The following IL1RAPL2 variants were observed in gnomAD, a reference collection of about 807,000 sequenced individuals.
IL1RAPL2 encodes X-linked interleukin-1 receptor accessory protein-like 2.
IL1RAPL2 carries 3 observed loss-of-function variants against 44.1 expected under a neutral mutation model. The ratio of observed to expected loss-of-function variants is 0.07; its 90% confidence interval spans 0.03 to 0.18. The LOEUF (loss-of-function observed/expected upper bound fraction) is 0.18, where lower values mean the gene tolerates loss of function less well. Ranked by LOEUF, IL1RAPL2 falls within the 10% of genes least tolerant of loss-of-function variation. The pLI is 1.00. For missense variants in IL1RAPL2, 391 were observed against 496.4 expected (o/e 0.79, Z 2.02); for synonymous variants, 181 against 178.8 (o/e 1.01, Z -0.10).
chrX:105,317,713 G>A (rs1046638452), intron 5 of IL1RAPL2, among the ~76,000 whole-genome samples: 3 of 110,820 alleles, frequency 2.7e-5, no homozygotes, highest in African/African-American at 9.9e-5. Flanking sequence ...AAGACTCAAA[G>A]ACTCTCTGAA....
At position 105,067,562 on chromosome X, in the gene IL1RAPL2, G is replaced by C. The variant is rs147825185; in HGVS notation, c.83-127913G>C. ...TTCTCATACCAACCCTATGAGGTAGGTATTATCATCATCCCTATTTTGCAG... is the reference window on the plus strand; with the variant it reads ...TTCTCATACCAACCCTATGAGGTAGCTATTATCATCATCCCTATTTTGCAG... On this transcript the variant is annotated intron_variant, in intron 2 of 10. Transcript: ENST00000372582. 3.4e-3 allele frequency among the ~76,000 whole-genome samples: 384 copies of C among 111,375 alleles called. 1 individual carries two copies. The highest frequency in any genetic ancestry group is 6.2e-3 in the Non-Finnish European group (329 of 53,072).
At chrX:105,647,246 G>A (rs1185216494) in intron 6 of IL1RAPL2, among the ~76,000 whole-genome samples, 1 of 112,121 alleles carries the variant, frequency 8.9e-6, no homozygotes, top group Non-Finnish European at 1.9e-5. Flanking sequence ...ACAGTGATCA[G>A]CAGTGGTGGA....
At chrX:104,757,743 T>G (rs917679944) in intron 2 of IL1RAPL2, among the ~76,000 whole-genome samples, 4 of 111,842 alleles carry the variant, frequency 3.6e-5, no homozygotes, top group Non-Finnish European at 7.5e-5. Context: ...CCATATTTTC[T>G]TTAATGAAAA....
intron 2 of IL1RAPL2, among the ~76,000 whole-genome samples, chrX:104,736,154 C>A (rs1480894739): frequency 8.9e-6 from 1 of 111,832 alleles, no homozygotes; most frequent in African/African-American, 3.3e-5. Flanking sequence ...GTCCATGAAG[C>A]CTTTCTTGGC....
chrX:105,170,881 C>A (rs1477186409), intron 2 of IL1RAPL2, among the ~76,000 whole-genome samples: 1 of 111,816 alleles, frequency 8.9e-6, no homozygotes, highest in Non-Finnish European at 1.9e-5. Flanking sequence ...AAAGTTTAGA[C>A]ACTGGCCAGA....
intron 2 of IL1RAPL2, among the ~76,000 whole-genome samples, chrX:104,694,774 T>C (rs1931150375): frequency 8.9e-6 from 1 of 111,791 alleles, no homozygotes; most frequent in South Asian, 3.8e-4. Flanking sequence ...AGGGGGAGTG[T>C]AAGAGTAAAA....
intron 1 of IL1RAPL2, among the ~76,000 whole-genome samples, chrX:104,631,283 G>A (rs1054852330): frequency 9.0e-6 from 1 of 111,691 alleles, no homozygotes; most frequent in Admixed American, 9.5e-5. Context: ...ATTGTGAATA[G>A]TACCAAAATA....
chrX:104,786,486 T>C (rs572430374), intron 2 of IL1RAPL2, among the ~76,000 whole-genome samples: 1 of 111,982 alleles, frequency 8.9e-6, no homozygotes, highest in Non-Finnish European at 1.9e-5. Flanking sequence ...GTAGAACCTC[T>C]GCGAGGAAGG....
Position 104,755,810 on chromosome X carries a change from G to A in IL1RAPL2, c.82+96815G>A, listed in dbSNP as rs184659945. On this transcript the variant is annotated intron_variant, in intron 2 of 10. Coordinates refer to ENST00000372582, the MANE Select transcript of IL1RAPL2 (RefSeq NM_017416.2). ...GACTAGAATTTACTGGGATTACTTT[G>A]TATTAAACCCAGAGCAGGTAGAACT... Among the ~76,000 whole-genome samples the A allele has an allele frequency of 3.7e-3, 412 of 111,214 alleles. 2 individuals are homozygous for A. The highest frequency in any genetic ancestry group is 5.6e-3 in the Non-Finnish European group (296 of 52,839).
At chrX:105,709,005 C>T (rs1382731832) in intron 6 of IL1RAPL2, among the ~76,000 whole-genome samples, 1 of 112,623 alleles carries the variant, frequency 8.9e-6, no homozygotes, top group African/African-American at 3.2e-5. Flanking sequence ...CTTGCTTCAA[C>T]TCTCCTGACA....
intron 2 of IL1RAPL2, among the ~76,000 whole-genome samples, chrX:105,022,080 C>T (rs2031291133): frequency 9.1e-6 from 1 of 110,094 alleles, no homozygotes; most frequent in Non-Finnish European, 1.9e-5. Flanking sequence ...TTCTCATTTC[C>T]CATGAGAAAA....
At chrX:105,073,559 C>G (rs950952227) in intron 2 of IL1RAPL2, among the ~76,000 whole-genome samples, 8 of 110,994 alleles carry the variant, frequency 7.2e-5, no homozygotes, top group Non-Finnish European at 1.1e-4. Context: ...GGTATATACC[C>G]TGTAATGGGC....
chrX:105,148,042 T>C (rs1246443426), intron 2 of IL1RAPL2, among the ~76,000 whole-genome samples: 1 of 111,467 alleles, frequency 9.0e-6, no homozygotes, highest in East Asian at 2.8e-4. Context: ...TTTAGAGTAA[T>C]CAAAGCAGAG....
chrX:105,754,414 G>A, intron 9 of IL1RAPL2, among the ~76,000 whole-genome samples: 1 of 200 alleles, frequency 5.0e-3, no homozygotes, highest in Non-Finnish European at 8.8e-3. Context: ...AGCCAATACA[G>A]CAAAAAGAGG....
intron 1 of IL1RAPL2, among the ~76,000 whole-genome samples, chrX:104,615,488 C>A (rs1403504703): frequency 2.0e-5 from 2 of 102,390 alleles, no homozygotes; most frequent in African/African-American, 3.7e-5. Flanking sequence ...GTTTAGTTTT[C>A]TGTTCCTGAA....
chrX:104,906,129 G>A (rs1420328429), intron 2 of IL1RAPL2, among the ~76,000 whole-genome samples: 2 of 110,133 alleles, frequency 1.8e-5, no homozygotes, highest in South Asian at 7.9e-4. Context: ...GTATAAGAAT[G>A]CTTGTGATTT....
intron 2 of IL1RAPL2, among the ~76,000 whole-genome samples, chrX:104,898,456 ATATC>A (rs1923716621): frequency 8.9e-6 from 1 of 112,480 alleles, no homozygotes. Context: ...ATAATATAAA[ATATC>A]TAAGTTTTCT....
In IL1RAPL2 at chrX:105,603,455, G is replaced by A. The variant is rs752653996; in HGVS notation, c.773-113912G>A. On this transcript the variant is annotated intron_variant, in intron 6 of 10. Coordinates refer to ENST00000372582, the MANE Select transcript of IL1RAPL2 (RefSeq NM_017416.2). ...CAACCATACAAGGTCATTACATAAT[G>A]AAAAAAGGATCAATTCAGCAAGAAT... is the stretch of plus-strand genomic sequence containing the variant. Among the ~76,000 whole-genome samples, 11 of 111,486 alleles carry A rather than the reference G, an allele frequency of 9.9e-5. 1 individual carries two copies. The South Asian group carries it at 2.6e-3, about 26-fold the overall frequency.
chrX:104,962,361 T>C (rs969111932), intron 2 of IL1RAPL2, among the ~76,000 whole-genome samples: 11 of 112,124 alleles, frequency 9.8e-5, no homozygotes, highest in Non-Finnish European at 2.1e-4. Flanking sequence ...TTAGTAATTT[T>C]CTTTAGGTTT....
Sources: gnomAD v4.1 joint callset for allele counts (sites outside exome capture counted in the v4.1 genomes callset) on GRCh38, gnomAD v4.1.1 for gene constraint, MANE v1.5 for transcripts, NCBI Gene and HGNC (gene_info 2026-07-23, HGNC 2026-07-21) for gene names.